The following GC variants were observed in gnomAD, a reference collection of about 807,000 sequenced individuals.
GC encodes GC vitamin D binding protein.
In GC, 43 loss-of-function variants were observed where a neutral mutation model predicts 56.7. The observed-to-expected ratio is 0.76, with a 90% CI of 0.59 to 0.98. The LOEUF is 0.98. Ranked by LOEUF, GC falls within the 50% of genes least tolerant of loss-of-function variation. GC has a pLI of 0.00. For synonymous variants in GC, 216 were observed against 202.7 expected (o/e 1.07, Z -0.56); for missense variants, 529 against 545.9 (o/e 0.97, Z 0.31).
intron 11 of GC, among the ~76,000 whole-genome samples, chr4:71,749,626 C>A (rs1333223690): frequency 6.6e-6 from 1 of 152,170 alleles, no homozygotes; most frequent in East Asian, 1.9e-4. Context: ...TAAATTGGAA[C>A]TAAATTTAGA....
At chr4:71,776,655 G>A (rs1304279575) in intron 1 of GC, among the ~76,000 whole-genome samples, 8 of 151,810 alleles carry the variant, frequency 5.3e-5, no homozygotes, top group Non-Finnish European at 8.8e-5. Flanking sequence ...AAATGCCTCA[G>A]AAAAAATGAT....
At chr4:71,785,661 T>C (rs1278532869), upstream of GC, among the ~76,000 whole-genome samples, 1 of 151,816 alleles carries the variant, frequency 6.6e-6, no homozygotes, top group South Asian at 2.1e-4. Context: ...GAGCCAACTC[T>C]ATCTTGTTCA....
chr4:71,763,370 C>T (rs899262989), intron 6 of GC, 38 bp downstream of exon 6: 2 of 1,089,724 alleles, frequency 1.8e-6, no homozygotes, highest in African/African-American at 1.6e-5. Flanking sequence ...CAGTGCAGAA[C>T]CAAACATCTA....
intron 1 of GC, among the ~76,000 whole-genome samples, chr4:71,782,433 G>A (rs1250895533): frequency 2.0e-5 from 3 of 151,796 alleles, no homozygotes; most frequent in African/African-American, 7.3e-5. Context: ...ATGCTTACAA[G>A]TGTATTATGT....
At chr4:71,763,239 T>G (rs1742042807) in intron 6 of GC, among the ~76,000 whole-genome samples, 169 bp downstream of exon 6, 2 of 152,202 alleles carry the variant, frequency 1.3e-5, no homozygotes, top group African/African-American at 4.8e-5. Flanking sequence ...TTTCATAATC[T>G]GTATAGAGAA....
Position 71,763,828 on chromosome 4 carries a change from G to C in GC, c.582C>G (p.Ser194Arg). ...SMVGSCCTSA[S>R]PTVCFLKERL... ...CCTCTTTCAAAAAGCATACAGTTGG[G>C]CTTGCAGAGGTACAGCAGGACCCTA... is the stretch of plus-strand genomic sequence containing the variant. The change falls in exon 5 of 13, where the codon AGC becomes AGG. Residue 194 changes from serine to arginine, a missense_variant. Transcript: ENST00000273951. 6.2e-7 allele frequency: 1 copy of C among 1,613,006 alleles called. No individual in the cohort carries two copies. Among genetic ancestry groups the C allele is most frequent in the Non-Finnish European group, 8.5e-7 (1 of 1,179,100 alleles).
intron 12 of GC, among the ~76,000 whole-genome samples, chr4:71,742,855 T>G (rs749585880): frequency 6.6e-6 from 1 of 152,112 alleles, no homozygotes; most frequent in Non-Finnish European, 1.5e-5. Flanking sequence ...GCAACTGTAG[T>G]CCCAGCTCCT....
chr4:71,791,855 C>A (rs1338578898), intron 1 of GC, among the ~76,000 whole-genome samples: 1 of 152,066 alleles, frequency 6.6e-6, no homozygotes. Context: ...GTGATGCTCC[C>A]CGCCCTGTGT....
rs1172655748 is a variant in GC, at chr4:71,741,733, A to G, written c.*163T>C. On this transcript the variant is annotated 3_prime_UTR_variant, in exon 13 of 13. Transcript: ENST00000273951. ...ATATTTCAATTTATTTTGATAGCAA[A>G]TCATCATACTTGTCATTGTATGAAG... The G allele has an allele frequency of 5.9e-6, 4 of 674,916 alleles. No individual in the cohort carries two copies. Among genetic ancestry groups the G allele is most frequent in the Non-Finnish European group, 1.1e-5 (4 of 374,326 alleles). The allele number at this position is 674,916 out of a possible 1,614,324, so 41.8% of individuals were successfully genotyped here.
intron 8 of GC, among the ~76,000 whole-genome samples, chr4:71,755,794 T>G (rs1741749334): frequency 6.6e-6 from 1 of 152,216 alleles, no homozygotes; most frequent in Non-Finnish European, 1.5e-5. Context: ...AAAATTGGTT[T>G]GTGTAAATTC....
chr4:71,768,517 G>GA, intron 2 of GC, 84 bp from the exon 3 acceptor site: 1 of 1,205,516 alleles, frequency 8.3e-7, no homozygotes, highest in African/African-American at 1.5e-5. Context: ...TACCCAGGCT[G>GA]GAGTGCAGTG....
chr4:71,783,678 T>C (rs1742756487), intron 1 of GC, among the ~76,000 whole-genome samples: 1 of 151,772 alleles, frequency 6.6e-6, no homozygotes, highest in Admixed American at 6.6e-5. Context: ...AATTATTCTC[T>C]CTAGGTCTTG....
chr4:71,744,004 T>C (rs994804440), intron 12 of GC, among the ~76,000 whole-genome samples: 4 of 152,104 alleles, frequency 2.6e-5, no homozygotes, highest in Admixed American at 1.3e-4. Context: ...AAATGTAGAC[T>C]AACACAGGAG....
In GC at chr4:71,744,208, C is replaced by T. The variant is rs1231104313; in HGVS notation, c.*25+1943G>A. Among the ~76,000 whole-genome samples the T allele has an allele frequency of 4.0e-5, 6 of 150,204 alleles. No individual in the cohort carries two copies. The East Asian group carries it at 9.8e-4, about 25-fold the overall frequency. On this transcript the variant is annotated intron_variant, in intron 12 of 12. Coordinates refer to ENST00000273951, the MANE Select transcript of GC (RefSeq NM_000583.4). ...CTGTAATCCCAGCACTTCAGGAGGC[C>T]GAGGCGGGCGGATCACGAGGTCAGG...
At chr4:71,792,000 C>A (rs1296148181) in intron 1 of GC, among the ~76,000 whole-genome samples, 1 of 152,070 alleles carries the variant, frequency 6.6e-6, no homozygotes. Context: ...TGAACTCATC[C>A]TTTTTTATGG....
intron 1 of GC, among the ~76,000 whole-genome samples, chr4:71,773,459 C>T (rs1240492659): frequency 6.6e-6 from 1 of 151,980 alleles, no homozygotes; most frequent in Non-Finnish European, 1.5e-5. Flanking sequence ...TTTTTTGAGG[C>T]TTACTTTGTG....
chr4:71,758,942 C>T (rs892490962), intron 6 of GC, among the ~76,000 whole-genome samples: 4 of 152,162 alleles, frequency 2.6e-5, no homozygotes, highest in Non-Finnish European at 4.4e-5. Context: ...CTTCCCCTCA[C>T]TCATCCTCCC....
intron 1 of GC, among the ~76,000 whole-genome samples, chr4:71,793,660 C>T (rs2149309509): frequency 6.6e-6 from 1 of 152,218 alleles, no homozygotes; most frequent in East Asian, 1.9e-4. Flanking sequence ...TTTCTCTTGC[C>T]TGATTGCCCC....
At chr4:71,782,498 G>C (rs1742715165) in intron 1 of GC, among the ~76,000 whole-genome samples, 2 of 151,822 alleles carry the variant, frequency 1.3e-5, no homozygotes, top group African/African-American at 2.4e-5. Context: ...ATGAAGTTTA[G>C]ATCTTCTAGG....
Sources: gnomAD v4.1 joint callset for allele counts (sites outside exome capture counted in the v4.1 genomes callset) on GRCh38, gnomAD v4.1.1 for gene constraint, MANE v1.5 for transcripts, NCBI Gene and HGNC (gene_info 2026-07-23, HGNC 2026-07-21) for gene names.